SLC37A3: variants seen among roughly 807,000 people sequenced by gnomAD.
SLC37A3 encodes sugar phosphate exchanger 3.
A neutral mutation model predicts 67.1 loss-of-function variants in SLC37A3; 51 were observed. The ratio of observed to expected loss-of-function variants is 0.76; its 90% CI spans 0.61 to 0.96. The LOEUF (loss-of-function observed/expected upper bound fraction) is 0.96, where lower values mean the gene tolerates loss of function less well. Ranked by LOEUF, SLC37A3 falls within the 40% of genes least tolerant of loss-of-function variation. The pLI, the probability that SLC37A3 is intolerant of heterozygous loss-of-function variation, is 0.00. For synonymous variants in SLC37A3, 214 were observed against 231.4 expected, an observed-to-expected ratio of 0.92 and a Z score of 0.68; for missense variants, 508 against 603.0, an observed-to-expected ratio of 0.84 and a Z score of 1.65.
At chr7:140,365,662 A>C (rs1289069056) in intron 4 of SLC37A3, among the ~76,000 whole-genome samples, 1 of 152,184 alleles carries the variant, frequency 6.6e-6, no homozygotes, top group East Asian at 1.9e-4. Context: ...CGGGGCTTGC[A>C]GTCAGCCGAG....
At chr7:140,343,164 G>T (rs1250008051) in intron 13 of SLC37A3, among the ~76,000 whole-genome samples, 1 of 152,164 alleles carries the variant, frequency 6.6e-6, no homozygotes, top group East Asian at 1.9e-4. Flanking sequence ...TGTCTTACGA[G>T]GTCTTAGCTT....
intron 3 of SLC37A3, 122 bp downstream of exon 3, chr7:140,380,160 T>C (rs959492166): frequency 3.2e-5 from 17 of 532,792 alleles, no homozygotes; most frequent in Non-Finnish European, 4.7e-5. Context: ...TCTTATGTGA[T>C]AGGAAACAGT....
chr7:140,357,189 G>A (rs1164437888), intron 6 of SLC37A3, among the ~76,000 whole-genome samples: 1 of 152,010 alleles, frequency 6.6e-6, no homozygotes, highest in Non-Finnish European at 1.5e-5. Context: ...ACTCCAGCCT[G>A]GGCAGTAAGA....
intron 2 of SLC37A3, among the ~76,000 whole-genome samples, chr7:140,381,266 C>T (rs1221884323): frequency 6.7e-6 from 1 of 149,934 alleles, no homozygotes; most frequent in African/African-American, 2.4e-5. Context: ...ATAGTCCCAG[C>T]ACTTTGGGAG....
chr7:140,363,921 C>G (rs1197828197), intron 5 of SLC37A3, among the ~76,000 whole-genome samples: 3 of 151,970 alleles, frequency 2.0e-5, no homozygotes, highest in African/African-American at 7.3e-5. Context: ...TCTGCTGGTG[C>G]CTGAGGGACA....
intron 1 of SLC37A3, among the ~76,000 whole-genome samples, chr7:140,396,885 TTTTTTTTTG>T (rs1335176914): frequency 2.7e-5 from 2 of 72,774 alleles, no homozygotes; most frequent in African/African-American, 9.8e-5. Flanking sequence ...AATTTCTGTT[TTTTTTTTTG>T]TTTTTTTTTT....
intron 5 of SLC37A3, among the ~76,000 whole-genome samples, chr7:140,361,516 CCCCTCCCCCTCCCCCTCCCT>C (rs1797282712): frequency 3.9e-5 from 3 of 77,790 alleles, no homozygotes; most frequent in African/African-American, 5.8e-5. Flanking sequence ...CCTCCCCCTC[CCCCTCCCCCTCCCCCTCCCT>C]CTCTCCCTCT....
intron 6 of SLC37A3, among the ~76,000 whole-genome samples, chr7:140,357,355 C>T (rs1271675581): frequency 1.3e-5 from 2 of 152,158 alleles, no homozygotes; most frequent in Non-Finnish European, 2.9e-5. Context: ...TTATTTGTAA[C>T]CGCCCAAAAC....
chr7:140,396,895 T>TG (rs756529997), intron 1 of SLC37A3, among the ~76,000 whole-genome samples: 5,308 of 32,380 alleles, frequency 0.16, 144 homozygotes, highest in Non-Finnish European at 0.28. Flanking sequence ...TTTTTTTTTG[T>TG]TTTTTTTTTT....
At chr7:140,366,407 C>A (rs1399055096) in intron 4 of SLC37A3, among the ~76,000 whole-genome samples, 1 of 151,984 alleles carries the variant, frequency 6.6e-6, no homozygotes, top group Admixed American at 6.6e-5. Context: ...CCGTGCCCCA[C>A]CAGAATCAAT....
At chr7:140,351,496 T>C (rs1796799880) in intron 8 of SLC37A3, 45 bp from the exon 9 acceptor site, 1 of 1,570,904 alleles carries the variant, frequency 6.4e-7, no homozygotes, top group Non-Finnish European at 8.7e-7. Context: ...GCCTACCACG[T>C]GTGAAGGGCT....
At chr7:140,342,936 G>A (rs1438652826) in intron 13 of SLC37A3, among the ~76,000 whole-genome samples, 1 of 152,218 alleles carries the variant, frequency 6.6e-6, no homozygotes, top group Admixed American at 6.5e-5. Context: ...GAAGCAGAGC[G>A]AGTGATTCAG....
Position 140,343,465 on chromosome 7 carries a change from T to C in SLC37A3, c.1273A>G (p.Thr425Ala). 2 of 1,614,098 alleles carry C rather than the reference T, an allele frequency of 1.2e-6. No homozygotes were observed. The highest frequency in any genetic ancestry group is 1.3e-5 in the African/African-American group (1 of 75,036). ...LIQRSSEALA[T>A]VTGIVDGSGS... ...GAACCATCCACAATTCCTGTGACAG[T>C]GGCCAAAGCTTCACTGCTCCTTTGG... Residue 425 changes from threonine (T) to alanine (A), a missense_variant, in exon 13 of 15, where the codon ACT becomes GCT. Coordinates refer to ENST00000326232, the MANE Select transcript of SLC37A3 (RefSeq NM_207113.3).
chr7:140,340,577 A>T (rs1796321278), intron 13 of SLC37A3, among the ~76,000 whole-genome samples: 1 of 151,770 alleles, frequency 6.6e-6, no homozygotes, highest in African/African-American at 2.4e-5. Context: ...CTCATCATCC[A>T]CTACAGGAAG....
intron 5 of SLC37A3, among the ~76,000 whole-genome samples, chr7:140,361,237 C>T (rs960802924): frequency 7.3e-5 from 10 of 136,388 alleles, no homozygotes; most frequent in African/African-American, 2.6e-4. Flanking sequence ...AATCCCAGCA[C>T]TTTGGGAGGC....
chr7:140,339,433 G>T (rs565272751), intron 13 of SLC37A3, among the ~76,000 whole-genome samples: 1 of 151,136 alleles, frequency 6.6e-6, no homozygotes, highest in African/African-American at 2.4e-5. Flanking sequence ...GCTAATTTTC[G>T]TATTTTTAGT....
intron 4 of SLC37A3, among the ~76,000 whole-genome samples, chr7:140,367,880 C>T (rs1383029124): frequency 2.0e-5 from 3 of 149,274 alleles, no homozygotes; most frequent in African/African-American, 2.5e-5. Flanking sequence ...AGTGCAGTGA[C>T]GCAATCTCGG....
At chr7:140,339,372 T>C (rs1796266998) in intron 13 of SLC37A3, among the ~76,000 whole-genome samples, 1 of 149,370 alleles carries the variant, frequency 6.7e-6, no homozygotes, top group African/African-American at 2.5e-5. Context: ...GCGATTATCC[T>C]GCCTCAGCCT....
intron 11 of SLC37A3, 37 bp from the exon 12 acceptor site, chr7:140,345,300 A>C (rs1563009942): frequency 1.3e-5 from 21 of 1,580,854 alleles, no homozygotes; most frequent in East Asian, 2.2e-5. Context: ...TGGTGGCTTG[A>C]AAAGCAGACT....
Sources: allele counts gnomAD v4.1 joint callset (sites outside exome capture counted in the v4.1 genomes callset), GRCh38; gene constraint gnomAD v4.1.1; transcripts MANE v1.5; gene names NCBI Gene and HGNC (gene_info 2026-07-23, HGNC 2026-07-21).